Variants in MSMO1 observed in about 807,000 individuals in gnomAD.
MSMO1 encodes the protein C-4 methylsterol oxidase.
MSMO1 carries 18 observed loss-of-function variants against 30.4 expected under a neutral mutation model. That is an observed-to-expected ratio of 0.59 (90% CI 0.41 to 0.88). MSMO1 has a LOEUF of 0.88. MSMO1 is among the 40% of genes least tolerant of loss of function. The probability of loss-of-function intolerance (pLI) is 0.00; values close to 1 mark genes in which losing one functional copy is unlikely to be tolerated. For synonymous variants in MSMO1, 84 were observed against 107.9 expected (o/e 0.78, Z 1.37); for missense variants, 284 against 340.5 (o/e 0.83, Z 1.31).
At chr4:165,329,942 G>A (rs1192238781) in intron 1 of MSMO1, among the ~76,000 whole-genome samples, 2 of 151,996 alleles carry the variant, frequency 1.3e-5, no homozygotes, top group South Asian at 4.1e-4. Flanking sequence ...CCTCCTTAGT[G>A]ATTTTAGTAA....
chr4:165,332,532 T>TA (rs1461687417), intron 1 of MSMO1, among the ~76,000 whole-genome samples: 6 of 152,236 alleles, frequency 3.9e-5, no homozygotes, highest in African/African-American at 1.4e-4. Flanking sequence ...ATGTATTCAT[T>TA]TTGAATTAGG....
chr4:165,339,121 T>TTTTTTTA (rs869039733), intron 4 of MSMO1, among the ~76,000 whole-genome samples: 4 of 146,788 alleles, frequency 2.7e-5, no homozygotes, highest in African/African-American at 7.5e-5. Context: ...TTTTTTTTTT[T>TTTTTTTA]GAGATAGAGT....
At chr4:165,337,016 G>A (rs1358970439) in intron 2 of MSMO1, among the ~76,000 whole-genome samples, 3 of 152,006 alleles carry the variant, frequency 2.0e-5, no homozygotes, top group African/African-American at 2.4e-5. Context: ...TTTTGTTGGC[G>A]GATACCTGAA....
At chr4:165,333,301 T>C in intron 1 of MSMO1, 39 bp from the exon 2 acceptor site, 1 of 1,500,470 alleles carries the variant, frequency 6.7e-7, no homozygotes, top group Non-Finnish European at 9.1e-7. Context: ...TTTTGAAAGC[T>C]CATTGTTTAA....
intron 4 of MSMO1, among the ~76,000 whole-genome samples, chr4:165,339,957 C>G (rs771898515): frequency 1.3e-5 from 2 of 152,124 alleles, no homozygotes; most frequent in Non-Finnish European, 2.9e-5. Context: ...GTTGCAGTCT[C>G]GAGAATCCTT....
rs910710984 is a variant in MSMO1, at chr4:165,342,754, A to T, written c.*808A>T. The T allele has an allele frequency of 2.6e-5, 4 of 152,214 alleles. No homozygotes were observed. The highest frequency in any genetic ancestry group is 4.4e-5 in the Non-Finnish European group (3 of 68,064). The allele number at this position is 152,214 out of a possible 1,614,324, so 9.4% of individuals were successfully genotyped here. A position where few individuals can be genotyped will look rare whatever the true frequency, so the allele number is the denominator to read the frequency against. On this transcript the variant is annotated 3_prime_UTR_variant, in exon 6 of 6. Coordinates refer to ENST00000261507, the MANE Select transcript of MSMO1 (RefSeq NM_006745.5). ...AGCAGTGAGTGACTGAAGCTTCCAA[A>T]TCAAGAAAAGCCGGCACCAAGAACT...
At chr4:165,338,075 C>A (rs1747608647) in intron 3 of MSMO1, 138 bp downstream of exon 3, 1 of 767,376 alleles carries the variant, frequency 1.3e-6, no homozygotes, top group Non-Finnish European at 2.1e-6. Flanking sequence ...GAAAAGTAAA[C>A]CACAGTAAAA....
At chr4:165,329,576 A>G (rs1036906941) in intron 1 of MSMO1, among the ~76,000 whole-genome samples, 8 of 92,084 alleles carry the variant, frequency 8.7e-5, no homozygotes, top group African/African-American at 4.8e-4. Context: ...ATAAACTCCA[A>G]AAAAAAAAAA....
chr4:165,331,237 G>A (rs1404999753), intron 1 of MSMO1, among the ~76,000 whole-genome samples: 1 of 151,762 alleles, frequency 6.6e-6, no homozygotes, highest in African/African-American at 2.4e-5. Context: ...CTGGGAGGTC[G>A]AGGCTGCAAT....
rs1560847658 is a variant in MSMO1, at chr4:165,333,453, C to G, written c.83C>G (p.Pro28Arg). The G allele has an allele frequency of 1.9e-6, 3 of 1,612,800 alleles. No homozygotes were observed. The highest frequency in any genetic ancestry group is 1.7e-6 in the Non-Finnish European group (2 of 1,179,656). ...GTAGATTCACTTTTACCTGAGAATC[C>G]TCTGCAAGAACCATTTAAAAATGCT... ...EYVDSLLPENPLQEPFKNAWN... is the reference protein window; with the variant it reads ...EYVDSLLPENRLQEPFKNAWN... The change falls in exon 2 of 6, where the codon CCT becomes CGT. Residue 28 changes from proline (P) to arginine (R), a missense_variant. Physicochemically the swap from Pro to Arg is moderately radical, Grantham distance 103. Coordinates refer to ENST00000261507, the MANE Select transcript of MSMO1 (RefSeq NM_006745.5).
chr4:165,338,571 T>G, intron 3 of MSMO1, 81 bp from the exon 4 acceptor site: 1 of 1,289,368 alleles, frequency 7.8e-7, no homozygotes, highest in African/African-American at 1.5e-5. Context: ...ATGTAATGTC[T>G]CAAGCAGTGA....
intron 5 of MSMO1, 102 bp downstream of exon 5, chr4:165,340,477 ATCT>A (rs949088768): frequency 2.7e-5 from 27 of 982,400 alleles, no homozygotes; most frequent in Middle Eastern, 4.8e-4. Context: ...GGAGAAGTTA[ATCT>A]TCTTAATGTT....
Position 165,342,569 on chromosome 4 carries a change from C to G in MSMO1, c.*623C>G, listed in dbSNP as rs528772980. The G allele has an allele frequency of 6.6e-6, 1 of 152,482 alleles. No individual in the cohort carries two copies. The highest frequency in any genetic ancestry group is 1.9e-4 in the East Asian group (1 of 5,192). 9.4% of individuals were successfully genotyped at this position (152,482 alleles called of 1,614,324 possible). A position where few individuals can be genotyped will look rare whatever the true frequency, so the allele number is the denominator to read the frequency against. On this transcript the variant is annotated 3_prime_UTR_variant, in exon 6 of 6. Coordinates refer to ENST00000261507, the MANE Select transcript of MSMO1 (RefSeq NM_006745.5). The stretch of plus-strand genomic sequence containing the variant: ...ATGGGGTTTCACGATGTTGGCCAGG[C>G]TGGTCTCAAACTTCTGACCTCAAGT...
chr4:165,340,318 T>TA lies in MSMO1; in HGVS notation c.631dup (p.Ile211AsnfsTer16). ...GGAATCGTGCTTTTGTGTGATCATG[T>TA]AATTCTTCTTTGGGCATGGGTGACC... On this transcript the variant is annotated frameshift_variant, in exon 5 of 6. Coordinates refer to ENST00000261507, the MANE Select transcript of MSMO1 (RefSeq NM_006745.5). LOFTEE classifies it high-confidence loss of function. The TA allele has an allele frequency of 6.2e-7, 1 of 1,613,904 alleles. No individual in the cohort carries two copies. The highest frequency in any genetic ancestry group is 8.5e-7 in the Non-Finnish European group (1 of 1,179,842).
chr4:165,340,360 CTA>C lies in MSMO1; in HGVS notation c.673_674del (p.Ile225Ter). ...TGGGTGACCATTCGTTTATTAGAAA[CTA>C]TTGATGTCCATAGGTGAGTATTAAT... On this transcript the variant is annotated frameshift_variant, in exon 5 of 6. Coordinates refer to ENST00000261507, the MANE Select transcript of MSMO1 (RefSeq NM_006745.5). LOFTEE classifies it high-confidence loss of function. 1 of 1,613,174 alleles carries C rather than the reference CTA, an allele frequency of 6.2e-7. No homozygotes were observed. The highest frequency in any genetic ancestry group is 2.2e-5 in the East Asian group (1 of 44,814).
intron 5 of MSMO1, among the ~76,000 whole-genome samples, chr4:165,340,811 G>A (rs1414397981): frequency 6.6e-6 from 1 of 152,092 alleles, no homozygotes; most frequent in Non-Finnish European, 1.5e-5. Context: ...AAGACATTTT[G>A]TGGTAAATTA....
chr4:165,341,956 G>A lies in MSMO1; in HGVS notation c.*10G>A, dbSNP rs375429656. 37 of 1,593,546 alleles carry A rather than the reference G, an allele frequency of 2.3e-5. No individual in the cohort carries two copies. Among genetic ancestry groups the A allele is most frequent in the Non-Finnish European group, 2.4e-5 (28 of 1,163,016 alleles). ...GAAAAAGACTGAATAAATATCTCACGTAAACCTTCCTGAAAGATAAACGTT... is the reference window on the plus strand; with the variant it reads ...GAAAAAGACTGAATAAATATCTCACATAAACCTTCCTGAAAGATAAACGTT... On this transcript the variant is annotated 3_prime_UTR_variant, in exon 6 of 6. Transcript: ENST00000261507.
At chr4:165,335,330 C>T (rs934249466) in intron 2 of MSMO1, among the ~76,000 whole-genome samples, 6 of 152,134 alleles carry the variant, frequency 3.9e-5, no homozygotes, top group Non-Finnish European at 8.8e-5. Context: ...TGACTGTGGA[C>T]TCCAGGCCAA....
chr4:165,338,000 A>AC, intron 3 of MSMO1, 63 bp downstream of exon 3: 4 of 1,458,204 alleles, frequency 2.7e-6, no homozygotes, highest in Non-Finnish European at 3.8e-6. Context: ...GTTATACTTA[A>AC]TGTTTACCCG....
Sources: allele counts gnomAD v4.1 joint callset (sites outside exome capture counted in the v4.1 genomes callset), GRCh38; gene constraint gnomAD v4.1.1; transcripts MANE v1.5; gene names NCBI Gene and HGNC (gene_info 2026-07-23, HGNC 2026-07-21).